Variants in ME2 observed in about 807,000 individuals in gnomAD.
ME2 encodes the protein NAD-dependent malic enzyme, mitochondrial.
A neutral mutation model predicts 73.7 loss-of-function variants in ME2; 60 were observed. That is an observed-to-expected ratio of 0.81 (90% CI 0.66 to 1.01). ME2 has a LOEUF of 1.01. Among genes scored for constraint, ME2 ranks in the 50% least tolerant of loss-of-function variants. ME2 has a pLI of 0.00. For missense variants in ME2, 594 were observed against 705.5 expected (o/e 0.84, Z 1.79); for synonymous variants, 199 against 236.9 (o/e 0.84, Z 1.47).
In ME2 at chr18:50,912,935, T is replaced by C. The variant is rs1178345023; in HGVS notation, c.377T>C (p.Ile126Thr). 3.1e-6 allele frequency: 5 copies of C among 1,599,108 alleles called. No homozygotes were observed. The highest frequency in any genetic ancestry group is 4.3e-6 in the Non-Finnish European group (5 of 1,176,134). The change falls in exon 4 of 16, where the codon ATC (isoleucine) becomes ACC (threonine). Residue 126 changes from isoleucine to threonine, a missense_variant. Ile to Thr is a moderately conservative substitution (Grantham distance 89, BLOSUM62 -1). Transcript: ENST00000321341. ...VGLACSQYGHIFRRPKGLFIS... is the reference protein window; with the variant it reads ...VGLACSQYGHTFRRPKGLFIS... ...CTTGCCTGCTCCCAGTATGGACACA[T>C]CTTTAGAAGACCTAAGTAAGGCTTG... is the stretch of plus-strand genomic sequence containing the variant.
chr18:50,926,183 C>T (rs1443517670), intron 12 of ME2, among the ~76,000 whole-genome samples: 1 of 152,058 alleles, frequency 6.6e-6, no homozygotes, highest in Non-Finnish European at 1.5e-5. Flanking sequence ...AAAAATTATT[C>T]AGATTTACCT....
intron 3 of ME2, among the ~76,000 whole-genome samples, chr18:50,912,549 G>A (rs1917181057): frequency 6.6e-6 from 1 of 152,022 alleles, no homozygotes; most frequent in Non-Finnish European, 1.5e-5. Flanking sequence ...CCACAGTTAG[G>A]GTTCAGTAAA....
At chr18:50,896,039 G>C (rs1599091396) in intron 2 of ME2, 111 bp downstream of exon 2, 2 of 711,384 alleles carry the variant, frequency 2.8e-6, no homozygotes, top group Non-Finnish European at 4.5e-6. Context: ...AGGTTGTTCA[G>C]AGATAGTTGT....
chr18:50,924,302 G>T, intron 11 of ME2, 90 bp downstream of exon 11: 1 of 862,506 alleles, frequency 1.2e-6, no homozygotes, highest in South Asian at 1.8e-5. Flanking sequence ...AAATGAATTG[G>T]CAGTTTTACC....
chr18:50,913,052 C>A, intron 4 of ME2, 102 bp downstream of exon 4: 1 of 1,043,188 alleles, frequency 9.6e-7, no homozygotes, highest in South Asian at 1.9e-5. Context: ...TTAGCCAAAT[C>A]ACATTTCCCA....
At chr18:50,935,112 C>G (rs1917786266) in intron 13 of ME2, 1 of 152,126 alleles carries the variant, frequency 6.6e-6, no homozygotes, top group Admixed American at 6.6e-5. Context: ...CCTCAAGCCT[C>G]TGTTCGGGAC....
chr18:50,934,197 T>A (rs559667853), intron 13 of ME2: 2 of 152,316 alleles, frequency 1.3e-5, no homozygotes, highest in African/African-American at 2.4e-5. Context: ...ATATACCCAA[T>A]AATAGGATTG....
At chr18:50,918,273 C>T (rs1228148120) in intron 7 of ME2, 60 bp downstream of exon 7, 1 of 1,121,584 alleles carries the variant, frequency 8.9e-7, no homozygotes, top group Non-Finnish European at 1.3e-6. Flanking sequence ...GGGGTAAGAA[C>T]CAAAGTTTTG....
At chr18:50,897,588 T>C (rs1361800972) in intron 2 of ME2, among the ~76,000 whole-genome samples, 4 of 150,622 alleles carry the variant, frequency 2.7e-5, no homozygotes, top group African/African-American at 9.8e-5. Context: ...AGGCCGGACA[T>C]GGTGGCTTAT....
At chr18:50,915,337 A>T (rs1306864255) in intron 4 of ME2, 1 of 152,196 alleles carries the variant, frequency 6.6e-6, no homozygotes, top group African/African-American at 2.4e-5. Flanking sequence ...TCTACTAAAA[A>T]TACAAAAACT....
chr18:50,949,354 C>G lies in ME2; in HGVS notation c.*2170C>G, dbSNP rs1318139732. 1 of 152,092 alleles carries G rather than the reference C, an allele frequency of 6.6e-6. No homozygotes were observed. Among genetic ancestry groups the G allele is most frequent in the African/African-American group, 2.4e-5 (1 of 41,384 alleles). 9.4% of individuals were successfully genotyped at this position (152,092 alleles called of 1,614,324 possible). A position where few individuals can be genotyped will look rare whatever the true frequency, so the allele number is the denominator to read the frequency against. ...TGTTTGTTTTAGATATGGGGTTTTGCTATGTCACCCTTGCTGGAGGGCGGT... is the reference window on the plus strand; with the variant it reads ...TGTTTGTTTTAGATATGGGGTTTTGGTATGTCACCCTTGCTGGAGGGCGGT... On this transcript the variant is annotated 3_prime_UTR_variant, in exon 16 of 16. Coordinates refer to ENST00000321341, the MANE Select transcript of ME2 (RefSeq NM_002396.5).
intron 1 of ME2, among the ~76,000 whole-genome samples, chr18:50,893,463 A>G (rs1237407025): frequency 6.6e-6 from 1 of 152,186 alleles, no homozygotes; most frequent in African/African-American, 2.4e-5. Context: ...ATGTTGTGTT[A>G]CCTTTCCCCT....
chr18:50,898,007 G>T (rs1178891248), intron 2 of ME2, among the ~76,000 whole-genome samples: 1 of 152,162 alleles, frequency 6.6e-6, no homozygotes, highest in Non-Finnish European at 1.5e-5. Context: ...GTTTATTTTT[G>T]TTTAAAGAAC....
chr18:50,882,686 T>C (rs539187965), intron 1 of ME2, among the ~76,000 whole-genome samples: 2 of 152,184 alleles, frequency 1.3e-5, no homozygotes, highest in Admixed American at 6.6e-5. Context: ...CATTGGTTCA[T>C]GTCTGTAATC....
chr18:50,920,997 A>G (rs1373163662), intron 9 of ME2, 77 bp from the exon 10 acceptor site: 3 of 763,294 alleles, frequency 3.9e-6, no homozygotes, highest in African/African-American at 3.7e-5. Context: ...CTTATGGCAT[A>G]TAATCTTCAT....
intron 2 of ME2, among the ~76,000 whole-genome samples, chr18:50,901,595 A>G (rs754466340): frequency 2.0e-5 from 3 of 152,236 alleles, no homozygotes; most frequent in African/African-American, 7.2e-5. Flanking sequence ...TAATGCTTCC[A>G]TAGGGTAGAG....
intron 13 of ME2, chr18:50,935,751 C>CAAA (rs34993879): frequency 0.021 from 1,201 of 57,044 alleles, 74 homozygotes; most frequent in African/African-American, 0.047. Flanking sequence ...GACCCTGTCT[C>CAAA]AAAAAAAAAA....
chr18:50,914,186 G>T (rs929182016), intron 4 of ME2, among the ~76,000 whole-genome samples: 1 of 152,180 alleles, frequency 6.6e-6, no homozygotes, highest in Non-Finnish European at 1.5e-5. Context: ...CTCAGTGATT[G>T]TGTTGCAGGT....
chr18:50,885,513 G>GTC (rs1568156972), intron 1 of ME2, among the ~76,000 whole-genome samples: 1 of 151,158 alleles, frequency 6.6e-6, no homozygotes, highest in Non-Finnish European at 1.5e-5. Flanking sequence ...GTGAGATACT[G>GTC]TCTCTAAAAA....
Sources: gnomAD v4.1 joint callset for allele counts (sites outside exome capture counted in the v4.1 genomes callset) on GRCh38, gnomAD v4.1.1 for gene constraint, MANE v1.5 for transcripts, NCBI Gene and HGNC (gene_info 2026-07-23, HGNC 2026-07-21) for gene names.